ERI1: variants seen among roughly 807,000 people sequenced by gnomAD.
The protein encoded by ERI1 is 3'-5' exoribonuclease 1.
Under a neutral mutation model 39.7 loss-of-function variants are expected in ERI1, and 39 were observed. That is an observed-to-expected ratio of 0.98 (90% CI 0.76 to 1.28). The LOEUF is 1.28. ERI1 is among the 50% of genes most tolerant of loss of function. ERI1 has a pLI of 0.00. For synonymous variants in ERI1, 204 were observed against 149.6 expected (o/e 1.36, Z -2.65); for missense variants, 581 against 416.9 (o/e 1.39, Z -3.43).
chr8:9,035,738 A>T (rs1797822712), downstream of ERI1, among the ~76,000 whole-genome samples: 2 of 152,234 alleles, frequency 1.3e-5, no homozygotes, highest in Non-Finnish European at 2.9e-5. Context: ...ACTATTTAAT[A>T]AATACATTTC....
At chr8:9,080,861 T>C (rs1407232725) in intron 3 of ERI1, among the ~76,000 whole-genome samples, 1 of 152,194 alleles carries the variant, frequency 6.6e-6, no homozygotes, top group African/African-American at 2.4e-5. Flanking sequence ...AGCCCAGAAT[T>C]GGCTACTACT....
intron 3 of ERI1, among the ~76,000 whole-genome samples, chr8:9,059,478 G>A (rs930915850): frequency 1.3e-5 from 2 of 152,124 alleles, no homozygotes; most frequent in African/African-American, 4.8e-5. Context: ...GGAGAGAGAA[G>A]CTGAAGGAAG....
downstream of ERI1, among the ~76,000 whole-genome samples, chr8:9,034,136 G>A (rs1300015294): frequency 6.6e-6 from 1 of 152,234 alleles, no homozygotes; most frequent in Non-Finnish European, 1.5e-5. Flanking sequence ...ATGAAGAGTT[G>A]GAAGTACTTG....
At chr8:9,008,730 A>C (rs1467747873) in intron 2 of ERI1, among the ~76,000 whole-genome samples, 1 of 152,204 alleles carries the variant, frequency 6.6e-6, no homozygotes, top group Admixed American at 6.5e-5. Flanking sequence ...GAAACAAATC[A>C]CTTTACGTTC....
rs141403817 is a variant in ERI1 at position 9,012,863 on chromosome 8, T to C, written c.498+1111T>C. Among the ~76,000 whole-genome samples the C allele has an allele frequency of 1.1e-3, 161 of 152,342 alleles. 2 individuals carry two copies. Among genetic ancestry groups the C allele is most frequent in the Middle Eastern group, 3.4e-3 (1 of 294 alleles). On this transcript the variant is annotated intron_variant, in intron 3 of 6. Coordinates refer to ENST00000250263, the MANE Select transcript of ERI1 (RefSeq NM_153332.4). ...TCTTCACTTAAGTTATAGGTACTTA[T>C]ATGTTTATCTCTTTCCTTTTCTTCC...
intron 1 of ERI1, among the ~76,000 whole-genome samples, chr8:9,006,454 C>CTTAAAT (rs1816030200): frequency 6.6e-6 from 1 of 152,126 alleles, no homozygotes; most frequent in South Asian, 2.1e-4. Flanking sequence ...AGAAAATCTG[C>CTTAAAT]TTAAATTAAC....
At chr8:9,044,551 G>A (rs549048877) in intron 3 of ERI1, among the ~76,000 whole-genome samples, 1 of 152,108 alleles carries the variant, frequency 6.6e-6, no homozygotes, top group African/African-American at 2.4e-5. Context: ...TCCATGATGT[G>A]GCCAAAGTAC....
At chr8:9,025,071 G>T (rs1034709654) in intron 6 of ERI1, among the ~76,000 whole-genome samples, 9 of 152,118 alleles carry the variant, frequency 5.9e-5, no homozygotes, top group African/African-American at 2.2e-4. Flanking sequence ...GTCTGTCTCT[G>T]GTGTACAGTC....
chr8:9,088,538 G>T (rs80164148), intron 3 of ERI1: 2 of 152,128 alleles, frequency 1.3e-5, no homozygotes, highest in Admixed American at 6.5e-5. Context: ...TGATGCAAGC[G>T]GACGTTTGTG....
chr8:9,039,126 A>G (rs1797942161), intron 3 of ERI1, among the ~76,000 whole-genome samples: 2 of 152,242 alleles, frequency 1.3e-5, no homozygotes, highest in African/African-American at 2.4e-5. Context: ...TACCAAGACT[A>G]TCAAATAATT....
intron 3 of ERI1, among the ~76,000 whole-genome samples, chr8:9,067,716 C>T (rs190042017): frequency 6.0e-5 from 9 of 151,146 alleles, no homozygotes; most frequent in Admixed American, 2.0e-4. Context: ...ACAGATGATC[C>T]AGTCCAATTT....
Position 9,017,234 on chromosome 8 carries a change from G to A in ERI1, c.582+829G>A, listed in dbSNP as rs901522971. ...TTTTTTTTATTTTTAGTAGAGACGG[G>A]TTTCACTGTGTTGGCCAAGGTGGTC... On this transcript the variant is annotated intron_variant, in intron 4 of 6. Transcript: ENST00000250263. 4.6e-5 allele frequency among the ~76,000 whole-genome samples: 7 copies of A among 151,982 alleles called. No homozygotes were observed. In the South Asian group the frequency reaches 1.5e-3, roughly 32 times the overall value.
chr8:9,049,878 A>G (rs1585261119), intron 3 of ERI1: 1 of 152,246 alleles, frequency 6.6e-6, no homozygotes, highest in East Asian at 1.9e-4. Context: ...GTGGACAGCA[A>G]TGCCCAGAGA....
chr8:9,096,967 C>T (rs1289587173), intron 3 of ERI1: 9 of 152,066 alleles, frequency 5.9e-5, no homozygotes, highest in Admixed American at 5.9e-4. Context: ...TAAATATTGC[C>T]TTTATGATGG....
chr8:9,008,948 A>C, intron 2 of ERI1: 1 of 453,980 alleles, frequency 2.2e-6, no homozygotes, highest in Non-Finnish European at 4.4e-6. Flanking sequence ...AAAGAGCACA[A>C]ATTTATTAAT....
rs562633171 is a variant in ERI1 at position 9,086,910 on chromosome 8, A to G, written n.300-29438A>G. Reference sequence around the variant, plus strand: ...GTATACCCATTTATATGCCTACATTATAATCTATAAGTGTACACAGGAAAA... The same window carrying G: ...GTATACCCATTTATATGCCTACATTGTAATCTATAAGTGTACACAGGAAAA... On this transcript the variant is annotated intron_variant and non_coding_transcript_variant, in intron 3 of 3. Transcript: ENST00000518663. 4.6e-5 allele frequency among the ~76,000 whole-genome samples: 7 copies of G among 152,206 alleles called. No homozygotes were observed. The South Asian group carries it at 6.2e-4, about 14-fold the overall frequency.
At chr8:9,021,765 G>GTTTTTTTTTTT (rs1161148984) in intron 6 of ERI1, among the ~76,000 whole-genome samples, 5 of 51,100 alleles carry the variant, frequency 9.8e-5, no homozygotes, top group African/African-American at 4.0e-4. Flanking sequence ...TATATTATTT[G>GTTTTTTTTTTT]TTTTTTTTGT....
chr8:9,088,917 G>A (rs2921369), intron 3 of ERI1, among the ~76,000 whole-genome samples: 2 of 152,188 alleles, frequency 1.3e-5, no homozygotes, highest in African/African-American at 4.8e-5. Flanking sequence ...GGTTCACTAC[G>A]TGCTCCTCCT....
At chr8:9,056,111 T>G (rs1585266591) in intron 3 of ERI1, among the ~76,000 whole-genome samples, 1 of 152,354 alleles carries the variant, frequency 6.6e-6, no homozygotes, top group East Asian at 1.9e-4. Flanking sequence ...CTATGTGCTA[T>G]GGGTTCCTGG....
Sources: gnomAD v4.1 joint callset for allele counts (sites outside exome capture counted in the v4.1 genomes callset) on GRCh38, gnomAD v4.1.1 for gene constraint, MANE v1.5 for transcripts, NCBI Gene and HGNC (gene_info 2026-07-23, HGNC 2026-07-21) for gene names.